ZFAND3: variants seen among roughly 807,000 people sequenced by gnomAD.
ZFAND3 encodes the protein AN1-type zinc finger protein 3.
A neutral mutation model predicts 29.6 loss-of-function variants in ZFAND3; 10 were observed. The ratio of observed to expected loss-of-function variants is 0.34; its 90% CI spans 0.21 to 0.57. The LOEUF is 0.57. ZFAND3 is among the 20% of genes least tolerant of loss of function. The pLI is 0.86. For synonymous variants in ZFAND3, 128 were observed against 112.6 expected, an observed-to-expected ratio of 1.14 and a Z score of -0.87; for missense variants, 230 against 304.5, an observed-to-expected ratio of 0.76 and a Z score of 1.82.
intron 3 of ZFAND3, among the ~76,000 whole-genome samples, chr6:38,081,933 C>A (rs547598126): frequency 6.6e-6 from 1 of 151,970 alleles, no homozygotes; most frequent in South Asian, 2.1e-4. Context: ...TTTCTTAAGG[C>A]CCCCTCCCCT....
intron 2 of ZFAND3, among the ~76,000 whole-genome samples, chr6:38,041,307 C>T (rs1763754980): frequency 6.6e-6 from 1 of 152,114 alleles, no homozygotes; most frequent in Non-Finnish European, 1.5e-5. Context: ...GTGGAAGATA[C>T]TTTGAGACTA....
At chr6:38,077,017 T>G (rs1017005895) in intron 3 of ZFAND3, among the ~76,000 whole-genome samples, 9 of 152,194 alleles carry the variant, frequency 5.9e-5, no homozygotes, top group Non-Finnish European at 1.2e-4. Context: ...TGTTTGAATT[T>G]TTTGAAGATA....
chr6:38,062,844 A>G (rs1050951601), intron 3 of ZFAND3, among the ~76,000 whole-genome samples: 1 of 152,004 alleles, frequency 6.6e-6, no homozygotes, highest in African/African-American at 2.4e-5. Flanking sequence ...TAAAAGCTCT[A>G]CTTGGCCAAG....
At chr6:38,065,912 C>CT in intron 3 of ZFAND3, among the ~76,000 whole-genome samples, 1 of 152,136 alleles carries the variant, frequency 6.6e-6, no homozygotes, top group Non-Finnish European at 1.5e-5. Flanking sequence ...ATGTTAGACA[C>CT]TAAGTTAAGT....
intron 4 of ZFAND3, among the ~76,000 whole-genome samples, chr6:38,104,959 G>T (rs1260054549): frequency 3.3e-5 from 5 of 152,296 alleles, no homozygotes; most frequent in Admixed American, 3.3e-4. Flanking sequence ...ATATATAGTA[G>T]TTAAGAGCAA....
At chr6:38,030,051 G>GATATATATAT (rs58560520) in intron 2 of ZFAND3, among the ~76,000 whole-genome samples, 3 of 94,986 alleles carry the variant, frequency 3.2e-5, no homozygotes, top group Non-Finnish European at 6.0e-5. Context: ...AGTTCTGCTG[G>GATATATATAT]ATATATATAT....
chr6:38,008,751 C>T (rs1763094606), intron 2 of ZFAND3, among the ~76,000 whole-genome samples: 1 of 151,838 alleles, frequency 6.6e-6, no homozygotes, highest in African/African-American at 2.4e-5. Context: ...TACTGTTAGC[C>T]AGGTTAAGTT....
chr6:37,829,526 C>T (rs1763820889), intron 1 of ZFAND3, among the ~76,000 whole-genome samples: 1 of 152,196 alleles, frequency 6.6e-6, no homozygotes, highest in African/African-American at 2.4e-5. Context: ...TAGAGTGAGA[C>T]TCCGGCTCGA....
chr6:37,980,161 G>GTTT (rs1284042886), intron 2 of ZFAND3, among the ~76,000 whole-genome samples: 11 of 50,742 alleles, frequency 2.2e-4, no homozygotes, highest in African/African-American at 5.2e-4. Flanking sequence ...AGAGGTCACT[G>GTTT]TCTTTTTTTT....
chr6:38,122,808 G>A (rs1302181372), intron 5 of ZFAND3, among the ~76,000 whole-genome samples: 1 of 152,224 alleles, frequency 6.6e-6, no homozygotes, highest in Non-Finnish European at 1.5e-5. Context: ...GTGATATGGA[G>A]AGGGAGAGAT....
intron 2 of ZFAND3, among the ~76,000 whole-genome samples, chr6:37,986,214 TAG>T (rs1418245649): frequency 6.6e-6 from 1 of 152,220 alleles, no homozygotes; most frequent in Non-Finnish European, 1.5e-5. Context: ...TATTGCCCAT[TAG>T]ACTGGCAGGT....
At chr6:38,077,573 T>C (rs1240742570) in intron 3 of ZFAND3, among the ~76,000 whole-genome samples, 1 of 152,248 alleles carries the variant, frequency 6.6e-6, no homozygotes, top group Non-Finnish European at 1.5e-5. Flanking sequence ...AATGTTTAGC[T>C]GACCAATTCC....
At position 37,971,756 on chromosome 6, in the gene ZFAND3, A is replaced by G. The variant is rs139512545; in HGVS notation, c.112+41757A>G. Among the ~76,000 whole-genome samples, 263 of 151,968 alleles carry G rather than the reference A, an allele frequency of 1.7e-3. 1 individual carries two copies. Among genetic ancestry groups the G allele is most frequent in the African/African-American group, 5.9e-3 (245 of 41,408 alleles). ...GTAATCCCAGCACTTTGGGAGGTCA[A>G]AGCGGGAGGATTGCTTGAGCCTAGG... On this transcript the variant is annotated intron_variant, in intron 2 of 5. Coordinates refer to ENST00000287218, the MANE Select transcript of ZFAND3 (RefSeq NM_021943.3).
chr6:37,879,021 A>T (rs1764843128), intron 1 of ZFAND3, among the ~76,000 whole-genome samples: 1 of 152,212 alleles, frequency 6.6e-6, no homozygotes, highest in Admixed American at 6.5e-5. Flanking sequence ...TCTTGGTCAC[A>T]ACTGGAGTCA....
At chr6:37,867,310 C>A (rs1237694134) in intron 1 of ZFAND3, among the ~76,000 whole-genome samples, 2 of 151,912 alleles carry the variant, frequency 1.3e-5, no homozygotes, top group African/African-American at 4.9e-5. Flanking sequence ...TATTTTCGTG[C>A]GTGAAAAATT....
chr6:37,971,052 C>G (rs1171573362), intron 2 of ZFAND3, among the ~76,000 whole-genome samples: 1 of 152,182 alleles, frequency 6.6e-6, no homozygotes, highest in Non-Finnish European at 1.5e-5. Flanking sequence ...GATGTTGATA[C>G]AAGTGTATTT....
intron 2 of ZFAND3, among the ~76,000 whole-genome samples, chr6:38,052,308 G>A (rs1240164787): frequency 1.3e-5 from 2 of 152,124 alleles, no homozygotes; most frequent in African/African-American, 4.8e-5. Flanking sequence ...GAATAATAAG[G>A]AAGAAATTTT....
intron 2 of ZFAND3, among the ~76,000 whole-genome samples, chr6:37,987,851 T>C (rs949701534): frequency 6.6e-6 from 1 of 152,218 alleles, no homozygotes; most frequent in African/African-American, 2.4e-5. Context: ...TGCCCTTTCT[T>C]TAGAAAGTTG....
At position 38,010,844 on chromosome 6, in the gene ZFAND3, G is replaced by A. The variant is rs569373901; in HGVS notation, c.113-50749G>A. On this transcript the variant is annotated intron_variant, in intron 2 of 5. Coordinates refer to ENST00000287218, the MANE Select transcript of ZFAND3 (RefSeq NM_021943.3). ...TCAAACTCCTGACCTCAGGTGATCC[G>A]CTCACCTCGGCCTCCCAAAGTGCTG... Among the ~76,000 whole-genome samples, 454 of 150,654 alleles carry A rather than the reference G, an allele frequency of 3.0e-3. 2 individuals carry two copies. Among genetic ancestry groups the A allele is most frequent in the African/African-American group, 0.01 (430 of 41,020 alleles).
Sources: allele counts gnomAD v4.1 joint callset (sites outside exome capture counted in the v4.1 genomes callset), GRCh38; gene constraint gnomAD v4.1.1; transcripts MANE v1.5; gene names NCBI Gene and HGNC (gene_info 2026-07-23, HGNC 2026-07-21).